NUDT3: variants seen among roughly 807,000 people sequenced by gnomAD.
The protein encoded by NUDT3 is nudix hydrolase 3.
Under a neutral mutation model 23.6 loss-of-function variants are expected in NUDT3, and 9 were observed. That is an observed-to-expected ratio of 0.38 (90% CI 0.23 to 0.66). NUDT3 has a LOEUF of 0.66. Ranked by LOEUF, NUDT3 falls within the 30% of genes least tolerant of loss-of-function variation. The pLI is 0.52. For missense variants in NUDT3, 172 were observed against 218.5 expected, an observed-to-expected ratio of 0.79 and a Z score of 1.34; for synonymous variants, 86 against 82.6, an observed-to-expected ratio of 1.04 and a Z score of -0.22.
At chr6:34,329,238 A>C (rs772149875) in intron 2 of NUDT3, among the ~76,000 whole-genome samples, 3 of 152,216 alleles carry the variant, frequency 2.0e-5, no homozygotes, top group Non-Finnish European at 4.4e-5. Flanking sequence ...ACATATATAC[A>C]TAGATATACA....
At chr6:34,291,707 T>C (rs62399896) in intron 4 of NUDT3, among the ~76,000 whole-genome samples, 2 of 151,944 alleles carry the variant, frequency 1.3e-5, no homozygotes, top group East Asian at 3.9e-4. Context: ...TTCACCATGT[T>C]GGCCAGGCTG....
chr6:34,299,470 G>A lies in NUDT3; in HGVS notation c.211-3785C>T, dbSNP rs565263932. 7.9e-5 allele frequency among the ~76,000 whole-genome samples: 12 copies of A among 151,602 alleles called. No individual in the cohort carries two copies. In the South Asian group the frequency reaches 1.5e-3, roughly 18 times the overall value. ...TTAAGAGACAGGGTCTCACTCTGTC[G>A]CCCAGGCTAGGGCGCATGGTCATAG... On this transcript the variant is annotated intron_variant, in intron 2 of 4. Coordinates refer to ENST00000607016, the MANE Select transcript of NUDT3 (RefSeq NM_006703.4).
At chr6:34,297,760 A>ATATATATATATATATATTTT (rs1763535832) in intron 2 of NUDT3, among the ~76,000 whole-genome samples, 1 of 53,652 alleles carries the variant, frequency 1.9e-5, no homozygotes, top group East Asian at 8.8e-4. Flanking sequence ...TATATATATA[A>ATATATATATATATATATTTT]TTTTTTTTTT....
chr6:34,310,861 A>C (rs1043082193), intron 2 of NUDT3, among the ~76,000 whole-genome samples: 2 of 152,192 alleles, frequency 1.3e-5, no homozygotes, highest in Non-Finnish European at 2.9e-5. Flanking sequence ...TAATCAATTA[A>C]TGTATTCCAT....
chr6:34,380,619 G>A (rs1271032243), intron 1 of NUDT3, among the ~76,000 whole-genome samples: 1 of 152,166 alleles, frequency 6.6e-6, no homozygotes, highest in African/African-American at 2.4e-5. Context: ...TAGTTACAGG[G>A]TTCAAAATGG....
intron 2 of NUDT3, among the ~76,000 whole-genome samples, chr6:34,306,226 C>G (rs746312773): frequency 6.6e-6 from 1 of 152,184 alleles, no homozygotes; most frequent in Non-Finnish European, 1.5e-5. Flanking sequence ...TGGAGGTTTA[C>G]TAGGTGTACA....
At chr6:34,360,915 C>A (rs1434594549) in intron 1 of NUDT3, among the ~76,000 whole-genome samples, 1 of 152,096 alleles carries the variant, frequency 6.6e-6, no homozygotes, top group African/African-American at 2.4e-5. Flanking sequence ...TGAACAGACA[C>A]CTCATGAAGA....
intron 1 of NUDT3, among the ~76,000 whole-genome samples, chr6:34,370,714 C>G (rs1477249702): frequency 2.0e-5 from 3 of 152,144 alleles, no homozygotes; most frequent in Non-Finnish European, 4.4e-5. Flanking sequence ...TGGGTGAATT[C>G]TCACATATTT....
In NUDT3 at chr6:34,392,428, A is replaced by C; in HGVS notation, c.-66T>G. The C allele has an allele frequency of 3.9e-6, 5 of 1,288,800 alleles. No individual in the cohort carries two copies. Among genetic ancestry groups the C allele is most frequent in the Non-Finnish European group, 5.4e-6 (5 of 928,020 alleles). 79.8% of individuals were successfully genotyped at this position (1,288,800 alleles called of 1,614,324 possible). A position where few individuals can be genotyped will look rare whatever the true frequency, so the allele number is the denominator to read the frequency against. Reference sequence around the variant, plus strand: ...TCGAGGGGTGGGGAGCCCGCTCTGGACGGCCGCGTGCGCGCGCGCCCCCGG... The same window carrying C: ...TCGAGGGGTGGGGAGCCCGCTCTGGCCGGCCGCGTGCGCGCGCGCCCCCGG... On this transcript the variant is annotated 5_prime_UTR_variant, in exon 1 of 5. Transcript: ENST00000607016.
chr6:34,371,110 C>CA (rs977473000), intron 1 of NUDT3, among the ~76,000 whole-genome samples: 2 of 146,144 alleles, frequency 1.4e-5, no homozygotes, highest in African/African-American at 2.5e-5. Context: ...GACTCCGTCT[C>CA]AAAAAAAGAA....
chr6:34,304,841 T>TA (rs1434879559), intron 2 of NUDT3, among the ~76,000 whole-genome samples: 1 of 151,288 alleles, frequency 6.6e-6, no homozygotes, highest in Non-Finnish European at 1.5e-5. Context: ...AAACTTTTTT[T>TA]TTTTTTTTTT....
At chr6:34,366,654 C>CT (rs1323231730) in intron 1 of NUDT3, among the ~76,000 whole-genome samples, 4 of 151,702 alleles carry the variant, frequency 2.6e-5, no homozygotes, top group Admixed American at 6.6e-5. Flanking sequence ...ACCTCCTGTG[C>CT]TAAAGCAATC....
At chr6:34,382,072 CAAAAAAAAAA>C (rs957166787) in intron 1 of NUDT3, among the ~76,000 whole-genome samples, 52 of 34,962 alleles carry the variant, frequency 1.5e-3, no homozygotes, top group African/African-American at 4.2e-3. Context: ...GACTCTATCT[CAAAAAAAAAA>C]AAAAAAAAAA....
intron 1 of NUDT3, among the ~76,000 whole-genome samples, chr6:34,375,713 C>T (rs1764911940): frequency 6.6e-6 from 1 of 152,194 alleles, no homozygotes; most frequent in Non-Finnish European, 1.5e-5. Context: ...TATCCACCTT[C>T]CAATCTCCGA....
intron 2 of NUDT3, among the ~76,000 whole-genome samples, chr6:34,306,520 T>C (rs78656434): frequency 0.095 from 14,395 of 152,278 alleles, 795 homozygotes; most frequent in Non-Finnish European, 0.12. Context: ...TCCTAATGAC[T>C]AAAAATCCTT....
chr6:34,310,663 T>G (rs1270528475), intron 2 of NUDT3, among the ~76,000 whole-genome samples: 1 of 152,180 alleles, frequency 6.6e-6, no homozygotes, highest in African/African-American at 2.4e-5. Context: ...CAATTTCTTT[T>G]AGAAGAAAGA....
intron 2 of NUDT3, among the ~76,000 whole-genome samples, chr6:34,329,491 G>A (rs990454514): frequency 3.3e-5 from 5 of 152,156 alleles, no homozygotes; most frequent in Middle Eastern, 3.4e-3. Context: ...ATGTTGGCCA[G>A]GCTGGTCACG....
chr6:34,320,520 C>A (rs924892930), intron 2 of NUDT3, among the ~76,000 whole-genome samples: 8 of 152,122 alleles, frequency 5.3e-5, no homozygotes, highest in Admixed American at 2.6e-4. Context: ...CTGCACCCAG[C>A]CTACTTTTCT....
chr6:34,389,656 T>A (rs1341455709), intron 1 of NUDT3, among the ~76,000 whole-genome samples: 3 of 151,538 alleles, frequency 2.0e-5, no homozygotes, highest in Non-Finnish European at 4.4e-5. Context: ...AGACCCTGTC[T>A]CAAAATAAAT....
Sources: allele counts gnomAD v4.1 joint callset (sites outside exome capture counted in the v4.1 genomes callset), GRCh38; gene constraint gnomAD v4.1.1; transcripts MANE v1.5; gene names NCBI Gene and HGNC (gene_info 2026-07-23, HGNC 2026-07-21).